Variants in XPO4 observed in about 807,000 individuals in gnomAD.
XPO4 encodes the protein exportin-4.
In XPO4, 39 loss-of-function variants were observed where a neutral mutation model predicts 143.0. The ratio of observed to expected loss-of-function variants is 0.27; its 90% CI spans 0.21 to 0.36. The LOEUF (loss-of-function observed/expected upper bound fraction) is 0.36. XPO4 is among the 10% of genes least tolerant of loss of function. The pLI is 1.00. For synonymous variants in XPO4, 439 were observed against 474.0 expected, an observed-to-expected ratio of 0.93 and a Z score of 0.96; for missense variants, 907 against 1,348.0, an observed-to-expected ratio of 0.67 and a Z score of 5.12.
intron 6 of XPO4, among the ~76,000 whole-genome samples, chr13:20,832,079 C>T (rs2059860140): frequency 6.6e-6 from 1 of 152,162 alleles, no homozygotes; most frequent in African/African-American, 2.4e-5. Context: ...AGCTCACCAA[C>T]TTCTGTGAAA....
intron 1 of XPO4, among the ~76,000 whole-genome samples, chr13:20,891,846 G>C (rs2060520183): frequency 6.8e-6 from 1 of 147,494 alleles, no homozygotes; most frequent in South Asian, 2.2e-4. Flanking sequence ...CTGGGTGACA[G>C]AGCAAGACTC....
chr13:20,847,777 A>G (rs575970580), intron 4 of XPO4, among the ~76,000 whole-genome samples: 7 of 152,328 alleles, frequency 4.6e-5, no homozygotes, highest in Non-Finnish European at 8.8e-5. Context: ...AATTGATAAA[A>G]GACTGCCATA....
chr13:20,842,100 C>A (rs79058255), intron 6 of XPO4, among the ~76,000 whole-genome samples: 8,707 of 152,172 alleles, frequency 0.057, 629 homozygotes, highest in African/African-American at 0.17. Context: ...ATTCACACAA[C>A]AATCCATACC....
intron 1 of XPO4, among the ~76,000 whole-genome samples, chr13:20,893,936 C>A (rs779094100): frequency 2.6e-5 from 4 of 152,098 alleles, no homozygotes; most frequent in Non-Finnish European, 5.9e-5. Flanking sequence ...CTCCGCCTCC[C>A]GGGTTCAAGT....
At chr13:20,847,175 T>C (rs931663707) in intron 4 of XPO4, among the ~76,000 whole-genome samples, 6 of 152,186 alleles carry the variant, frequency 3.9e-5, no homozygotes, top group Non-Finnish European at 8.8e-5. Context: ...TGGGGAATGA[T>C]GAATAATTAA....
intron 3 of XPO4, chr13:20,856,336 C>CA (rs2060143898): frequency 1.0e-6 from 1 of 985,182 alleles, no homozygotes; most frequent in African/African-American, 1.7e-5. Flanking sequence ...CACAAACATT[C>CA]AAAATGTTCA....
At chr13:20,890,411 C>T (rs1178545861) in intron 1 of XPO4, among the ~76,000 whole-genome samples, 3 of 151,638 alleles carry the variant, frequency 2.0e-5, no homozygotes, top group Non-Finnish European at 2.9e-5. Context: ...TATTGTGCTG[C>T]TGTACTCCAG....
intron 1 of XPO4, among the ~76,000 whole-genome samples, chr13:20,901,953 T>C (rs2060624073): frequency 6.6e-6 from 1 of 152,268 alleles, no homozygotes; most frequent in Non-Finnish European, 1.5e-5. Flanking sequence ...ATCCTTTGAC[T>C]CGGCCTTCTC....
At chr13:20,876,452 T>C (rs565627904) in intron 1 of XPO4, among the ~76,000 whole-genome samples, 1 of 152,230 alleles carries the variant, frequency 6.6e-6, no homozygotes, top group South Asian at 2.1e-4. Flanking sequence ...CTGTATAGTC[T>C]GTTTAAATAG....
intron 9 of XPO4, among the ~76,000 whole-genome samples, chr13:20,812,829 A>G (rs1393525587): frequency 6.6e-6 from 1 of 152,188 alleles, no homozygotes; most frequent in Non-Finnish European, 1.5e-5. Flanking sequence ...TTTTCTGTAA[A>G]CCTAAAATTA....
intron 1 of XPO4, among the ~76,000 whole-genome samples, chr13:20,893,601 C>T (rs2060539546): frequency 6.6e-6 from 1 of 151,870 alleles, no homozygotes; most frequent in African/African-American, 2.4e-5. Flanking sequence ...ACTAAAAATA[C>T]AAAAATTAGC....
intron 1 of XPO4, among the ~76,000 whole-genome samples, chr13:20,900,084 A>G (rs7335214): frequency 0.35 from 53,942 of 152,082 alleles, 11,305 homozygotes; most frequent in Non-Finnish European, 0.48. Context: ...CTTAGCCTGT[A>G]AAATGAAAAC....
intron 3 of XPO4, among the ~76,000 whole-genome samples, chr13:20,858,928 A>G (rs1024062468): frequency 1.7e-4 from 1 of 5,954 alleles, no homozygotes; most frequent in African/African-American, 5.1e-4. Context: ...GTGTGTATAT[A>G]TATATATATA....
intron 22 of XPO4, among the ~76,000 whole-genome samples, chr13:20,785,018 C>T (rs551638919): frequency 1.1e-4 from 17 of 152,244 alleles, no homozygotes; most frequent in Non-Finnish European, 2.4e-4. Context: ...CAGGCATGCA[C>T]CACCATCCCT....
chr13:20,863,247 T>G (rs1167051588), intron 2 of XPO4: 1 of 326,580 alleles, frequency 3.1e-6, no homozygotes, highest in South Asian at 1.1e-4. Flanking sequence ...AATAAACTAG[T>G]CATTGAACAT....
chr13:20,798,336 TG>T (rs1388290027), intron 16 of XPO4, among the ~76,000 whole-genome samples: 1 of 152,154 alleles, frequency 6.6e-6, no homozygotes, highest in African/African-American at 2.4e-5. Context: ...TGCCAAAGAC[TG>T]CCAGCAAGCT....
At chr13:20,806,438 TG>T (rs1249697265) in intron 13 of XPO4, among the ~76,000 whole-genome samples, 1 of 151,604 alleles carries the variant, frequency 6.6e-6, no homozygotes. Context: ...CAAAAACCAA[TG>T]TTAATATCAT....
Position 20,808,483 on chromosome 13 carries a change from A to G in XPO4, c.1592T>C (p.Met531Thr). ...AATATCTTCATAGAGATCATCAAGC[A>G]TTTTGTTGTCAACAGTGCTTGAACC... is the stretch of plus-strand genomic sequence containing the variant. The part of the protein sequence containing the change: ...SPGSSTVDNK[M>T]LDDLYEDIHW... The change falls in exon 12 of 23, where the codon ATG (methionine) becomes ACG (threonine). Residue 531 changes from methionine (M) to threonine (T), a missense_variant. Transcript: ENST00000255305. 1 of 1,573,398 alleles carries G rather than the reference A, an allele frequency of 6.4e-7. No homozygotes were observed. The highest frequency in any genetic ancestry group is 8.7e-7 in the Non-Finnish European group (1 of 1,149,868).
At chr13:20,871,821 T>C (rs1447044578) in intron 1 of XPO4, among the ~76,000 whole-genome samples, 1 of 152,018 alleles carries the variant, frequency 6.6e-6, no homozygotes, top group Admixed American at 6.5e-5. Context: ...AGAACAGGTC[T>C]GAATATATTA....
Sources: allele counts gnomAD v4.1 joint callset (sites outside exome capture counted in the v4.1 genomes callset), GRCh38; gene constraint gnomAD v4.1.1; transcripts MANE v1.5; gene names NCBI Gene and HGNC (gene_info 2026-07-23, HGNC 2026-07-21).